The following TPD52 variants were observed in gnomAD, a reference collection of about 807,000 sequenced individuals.
TPD52 encodes the protein prostate and colon associated protein.
TPD52 carries 17 observed loss-of-function variants against 31.3 expected under a neutral mutation model. The ratio of observed to expected loss-of-function variants is 0.54; its 90% CI spans 0.37 to 0.82. The LOEUF is 0.82. Among genes scored for constraint, TPD52 ranks in the 40% least tolerant of loss-of-function variants. The pLI is 0.00. For synonymous variants in TPD52, 83 were observed against 89.6 expected (o/e 0.93, Z 0.42); for missense variants, 212 against 240.1 (o/e 0.88, Z 0.77).
At chr8:80,062,260 T>C (rs552165452) in intron 2 of TPD52, among the ~76,000 whole-genome samples, 6 of 152,234 alleles carry the variant, frequency 3.9e-5, no homozygotes, top group Non-Finnish European at 8.8e-5. Flanking sequence ...AATAAACCTA[T>C]ACATCTATGG....
intron 1 of TPD52, among the ~76,000 whole-genome samples, chr8:80,087,186 G>A (rs1815875535): frequency 3.3e-5 from 5 of 152,158 alleles, no homozygotes; most frequent in Admixed American, 3.3e-4. Context: ...TGTGCAGGAT[G>A]TGCAGGCTTG....
intron 2 of TPD52, among the ~76,000 whole-genome samples, chr8:80,058,308 T>A (rs1234593002): frequency 6.6e-6 from 1 of 152,218 alleles, no homozygotes; most frequent in Non-Finnish European, 1.5e-5. Context: ...CATCAAACTA[T>A]TATTCATAAT....
At chr8:80,135,686 T>C (rs1809341389) in intron 1 of TPD52, among the ~76,000 whole-genome samples, 2 of 149,988 alleles carry the variant, frequency 1.3e-5, no homozygotes, top group African/African-American at 4.9e-5. Flanking sequence ...TGCACACGTA[T>C]GTTTATTGCG....
chr8:80,053,131 G>T, intron 3 of TPD52, 151 bp downstream of exon 3: 1 of 775,590 alleles, frequency 1.3e-6, no homozygotes, highest in Non-Finnish European at 1.9e-6. Flanking sequence ...AAAAAGGCAG[G>T]CACACTTGAA....
Position 80,171,404 on chromosome 8 carries a change from C to T in TPD52, c.19+21G>A, listed in dbSNP as rs750971878. 17 of 1,596,806 alleles carry T rather than the reference C, an allele frequency of 1.1e-5. 1 individual carries two copies. The South Asian group carries it at 1.9e-4, about 18-fold the overall frequency. ...CCCGAGTCCAAGCCCGAGCCCAAGC[C>T]CGCTGGGTCCGCGCCCTCACCTTGC... On this transcript the variant is annotated intron_variant, in intron 1 of 7. Coordinates refer to ENST00000518937, the MANE Select transcript of TPD52 (RefSeq NM_001025253.3).
chr8:80,162,613 A>G (rs938229309), intron 1 of TPD52, among the ~76,000 whole-genome samples: 5 of 151,926 alleles, frequency 3.3e-5, no homozygotes, highest in African/African-American at 1.2e-4. Flanking sequence ...AAAGAGAAAG[A>G]CTCAATCTCT....
intron 1 of TPD52, among the ~76,000 whole-genome samples, chr8:80,111,723 T>A (rs184293282): frequency 4.9e-4 from 74 of 152,236 alleles, no homozygotes; most frequent in African/African-American, 1.3e-3. Flanking sequence ...GATAAAAAGG[T>A]TGAATAACTA....
intron 1 of TPD52, among the ~76,000 whole-genome samples, chr8:80,066,176 G>A (rs1321514653): frequency 5.9e-5 from 9 of 152,116 alleles, no homozygotes; most frequent in Admixed American, 2.0e-4. Flanking sequence ...AGCCAGCGTC[G>A]CAGCAAGCAT....
At chr8:80,055,296 C>G (rs556477971) in intron 2 of TPD52, among the ~76,000 whole-genome samples, 1 of 152,328 alleles carries the variant, frequency 6.6e-6, no homozygotes, top group East Asian at 1.9e-4. Context: ...TGCTAACACA[C>G]CTAGCCCAGC....
chr8:80,143,160 C>T (rs1281954242), intron 1 of TPD52, among the ~76,000 whole-genome samples: 1 of 152,172 alleles, frequency 6.6e-6, no homozygotes, highest in Non-Finnish European at 1.5e-5. Context: ...ATTATTAAGG[C>T]AACTGCTGAA....
At chr8:80,170,139 G>T (rs554086005) in intron 1 of TPD52, among the ~76,000 whole-genome samples, 3 of 152,164 alleles carry the variant, frequency 2.0e-5, no homozygotes, top group Non-Finnish European at 4.4e-5. Flanking sequence ...TACAGGCCTG[G>T]CCCAGTGGCT....
intron 5 of TPD52, among the ~76,000 whole-genome samples, chr8:80,046,246 C>T (rs896893205): frequency 6.6e-5 from 10 of 152,196 alleles, no homozygotes; most frequent in Admixed American, 2.0e-4. Flanking sequence ...TGCATTATAT[C>T]ACACTTGAAG....
chr8:80,169,271 G>A (rs1811920997), intron 1 of TPD52, among the ~76,000 whole-genome samples: 2 of 152,086 alleles, frequency 1.3e-5, no homozygotes, highest in African/African-American at 2.4e-5. Flanking sequence ...GTGAGCCACC[G>A]CACCCAGCCT....
intron 1 of TPD52, among the ~76,000 whole-genome samples, chr8:80,086,368 C>T (rs535291182): frequency 4.6e-5 from 7 of 151,776 alleles, no homozygotes; most frequent in African/African-American, 1.4e-4. Flanking sequence ...CCACCCGCCT[C>T]GGTCCCCCAA....
At chr8:80,166,177 G>T (rs1351801359) in intron 1 of TPD52, among the ~76,000 whole-genome samples, 1 of 152,118 alleles carries the variant, frequency 6.6e-6, no homozygotes, top group Non-Finnish European at 1.5e-5. Context: ...TTATGGCGTG[G>T]AGGCACACGC....
At chr8:80,152,421 C>T (rs1037503943) in intron 1 of TPD52, among the ~76,000 whole-genome samples, 5 of 152,170 alleles carry the variant, frequency 3.3e-5, no homozygotes, top group Admixed American at 1.3e-4. Context: ...CAACAAAAAA[C>T]ACCCACTACC....
At chr8:80,033,891 C>T (rs900205460), downstream of TPD52, among the ~76,000 whole-genome samples, 14 of 152,096 alleles carry the variant, frequency 9.2e-5, no homozygotes, top group African/African-American at 3.1e-4. Context: ...ATAGAGTTCT[C>T]GCTCTGGGTT....
At chr8:80,076,031 TAA>T (rs1019481545) in intron 1 of TPD52, among the ~76,000 whole-genome samples, 8 of 152,248 alleles carry the variant, frequency 5.3e-5, no homozygotes, top group African/African-American at 1.9e-4. Context: ...CGTGTTAAAC[TAA>T]AATGTCAGAT....
chr8:80,086,037 G>T (rs1370519392), intron 1 of TPD52, among the ~76,000 whole-genome samples: 3 of 151,012 alleles, frequency 2.0e-5, no homozygotes, highest in African/African-American at 7.3e-5. Context: ...GAATCATGAG[G>T]AAACATCAGA....
Sources: gnomAD v4.1 joint callset for allele counts (sites outside exome capture counted in the v4.1 genomes callset) on GRCh38, gnomAD v4.1.1 for gene constraint, MANE v1.5 for transcripts, NCBI Gene and HGNC (gene_info 2026-07-23, HGNC 2026-07-21) for gene names.